The following MYO1D variants were observed in gnomAD, a reference collection of about 807,000 sequenced individuals.
The protein encoded by MYO1D is myosin ID.
MYO1D carries 83 observed loss-of-function variants against 122.0 expected under a neutral mutation model. The observed-to-expected ratio is 0.68, with a 90% CI of 0.57 to 0.82. MYO1D has a LOEUF of 0.82. Ranked by LOEUF, MYO1D falls within the 40% of genes least tolerant of loss-of-function variation. The pLI is 0.00. For missense variants in MYO1D, 1,157 were observed against 1,269.5 expected, an observed-to-expected ratio of 0.91 and a Z score of 1.35; for synonymous variants, 464 against 446.9, an observed-to-expected ratio of 1.04 and a Z score of -0.48.
chr17:32,571,236 C>T (rs756456923), intron 21 of MYO1D, among the ~76,000 whole-genome samples: 4 of 151,974 alleles, frequency 2.6e-5, no homozygotes, highest in South Asian at 2.1e-4. Flanking sequence ...GGGAGTGGGG[C>T]GTGGAAGCAG....
At chr17:32,830,339 T>G (rs184317524) in intron 1 of MYO1D, 465 of 152,324 alleles carry the variant, frequency 3.1e-3, no homozygotes, top group Middle Eastern at 0.02. Flanking sequence ...CACGATGCTT[T>G]AAATAGCATT....
At chr17:32,522,895 CA>C (rs1910200462) in intron 21 of MYO1D, among the ~76,000 whole-genome samples, 1 of 151,060 alleles carries the variant, frequency 6.6e-6, no homozygotes, top group Non-Finnish European at 1.5e-5. Context: ...CGGCTCACTG[CA>C]AGCTCCGCCT....
intron 21 of MYO1D, among the ~76,000 whole-genome samples, chr17:32,572,020 T>C (rs1313696357): frequency 6.6e-6 from 1 of 152,156 alleles, no homozygotes; most frequent in Non-Finnish European, 1.5e-5. Flanking sequence ...TCCACTGACT[T>C]CCTTTTACAA....
chr17:32,641,442 T>C (rs563005701), intron 19 of MYO1D, among the ~76,000 whole-genome samples: 24 of 152,320 alleles, frequency 1.6e-4, no homozygotes, highest in South Asian at 8.3e-4. Context: ...ATCCTTAGCA[T>C]ATACCCAGTA....
chr17:32,719,841 T>C (rs1047966754), intron 15 of MYO1D, among the ~76,000 whole-genome samples: 3 of 152,232 alleles, frequency 2.0e-5, no homozygotes, highest in African/African-American at 7.2e-5. Context: ...TCCATCTCTC[T>C]GATCTCATCT....
chr17:32,633,932 T>C (rs372020229), intron 20 of MYO1D, among the ~76,000 whole-genome samples: 2 of 152,206 alleles, frequency 1.3e-5, no homozygotes, highest in South Asian at 4.1e-4. Flanking sequence ...ATGGACTATA[T>C]CATGTGCGTA....
chr17:32,618,927 G>A (rs1255643524), intron 20 of MYO1D, among the ~76,000 whole-genome samples: 1 of 152,080 alleles, frequency 6.6e-6, no homozygotes, highest in African/African-American at 2.4e-5. Context: ...GAGTCACTGT[G>A]CCTCGCAACT....
intron 16 of MYO1D, among the ~76,000 whole-genome samples, chr17:32,669,308 G>A (rs2729340): frequency 0.42 from 64,180 of 151,886 alleles, 14,147 homozygotes; most frequent in East Asian, 0.53. Flanking sequence ...AGTCCACATC[G>A]AGATGAGTCT....
chr17:32,780,090 T>TC (rs2090219744), intron 2 of MYO1D, among the ~76,000 whole-genome samples: 1 of 151,878 alleles, frequency 6.6e-6, no homozygotes, highest in African/African-American at 2.4e-5. Flanking sequence ...CGTGCCTATC[T>TC]CCCCCCTTGT....
chr17:32,608,982 A>AG (rs1241656377), intron 20 of MYO1D, among the ~76,000 whole-genome samples: 2 of 152,200 alleles, frequency 1.3e-5, no homozygotes, highest in Non-Finnish European at 2.9e-5. Context: ...ACAACAGATC[A>AG]GTAGCTGCCA....
At chr17:32,761,008 T>C (rs979380086) in intron 8 of MYO1D, among the ~76,000 whole-genome samples, 4 of 152,016 alleles carry the variant, frequency 2.6e-5, no homozygotes, top group Non-Finnish European at 5.9e-5. Flanking sequence ...ATATCTATGA[T>C]CCACTAAAGC....
chr17:32,564,444 C>G (rs1294229169), intron 21 of MYO1D, among the ~76,000 whole-genome samples: 1 of 152,210 alleles, frequency 6.6e-6, no homozygotes, highest in Non-Finnish European at 1.5e-5. Context: ...TATGAAGTGG[C>G]TTTACAGTCA....
intron 19 of MYO1D, among the ~76,000 whole-genome samples, chr17:32,651,566 C>T (rs560818371): frequency 6.6e-6 from 1 of 151,946 alleles, no homozygotes; most frequent in South Asian, 2.1e-4. Context: ...TCATTTTTTT[C>T]TTCATATTTC....
chr17:32,613,292 T>G (rs2087727007), intron 20 of MYO1D, among the ~76,000 whole-genome samples: 1 of 152,116 alleles, frequency 6.6e-6, no homozygotes, highest in Non-Finnish European at 1.5e-5. Flanking sequence ...ACTGACTCAT[T>G]TTATTTATCC....
intron 1 of MYO1D, among the ~76,000 whole-genome samples, chr17:32,822,342 G>C (rs576191697): frequency 1.3e-5 from 2 of 149,252 alleles, no homozygotes; most frequent in African/African-American, 2.5e-5. Context: ...CTTGGACACA[G>C]GAAGGGGAAC....
chr17:32,836,532 A>G (rs943697200), intron 1 of MYO1D, among the ~76,000 whole-genome samples: 24 of 152,080 alleles, frequency 1.6e-4, no homozygotes, highest in African/African-American at 4.1e-4. Flanking sequence ...GTCACTAATC[A>G]ATTTGCCTAC....
chr17:32,868,913 ATT>A (rs1384234662), intron 1 of MYO1D, among the ~76,000 whole-genome samples: 1 of 152,162 alleles, frequency 6.6e-6, no homozygotes, highest in African/African-American at 2.4e-5. Flanking sequence ...ACATTGTTCT[ATT>A]CAAGAGATCT....
chr17:32,663,235 T>A (rs1275852356), intron 16 of MYO1D, among the ~76,000 whole-genome samples: 19 of 152,154 alleles, frequency 1.2e-4, no homozygotes, highest in Admixed American at 1.2e-3. Context: ...ACTTTCTTTT[T>A]TTGTATGTGC....
chr17:32,580,023 A>G (rs969104064), intron 21 of MYO1D, among the ~76,000 whole-genome samples: 12 of 152,220 alleles, frequency 7.9e-5, no homozygotes, highest in Non-Finnish European at 5.9e-5. Flanking sequence ...TGGCTGGAAT[A>G]TGTGGCAGGG....
Sources: gnomAD v4.1 joint callset for allele counts (sites outside exome capture counted in the v4.1 genomes callset) on GRCh38, gnomAD v4.1.1 for gene constraint, MANE v1.5 for transcripts, NCBI Gene and HGNC (gene_info 2026-07-23, HGNC 2026-07-21) for gene names.